TXNDC12: variants seen among roughly 807,000 people sequenced by gnomAD.
TXNDC12 encodes thioredoxin domain containing 12.
TXNDC12 carries 22 observed loss-of-function variants against 24.2 expected under a neutral mutation model. That is an observed-to-expected ratio of 0.91 (90% confidence interval 0.65 to 1.30). The LOEUF is 1.30. TXNDC12 is among the 50% of genes most tolerant of loss of function. The pLI is 0.00. For missense variants in TXNDC12, 184 were observed against 205.8 expected, an observed-to-expected ratio of 0.89 and a Z score of 0.65; for synonymous variants, 58 against 73.4, an observed-to-expected ratio of 0.79 and a Z score of 1.07.
chr1:52,032,143 T>C, intron 2 of TXNDC12: 1 of 967,946 alleles, frequency 1.0e-6, no homozygotes, highest in Non-Finnish European at 1.2e-6. Context: ...AATAATCTAG[T>C]AGATAACTTT....
At chr1:52,032,969 G>A (rs1291913346) in intron 2 of TXNDC12, 3 of 1,583,496 alleles carry the variant, frequency 1.9e-6, no homozygotes, top group East Asian at 4.5e-5. Flanking sequence ...CCGGAGGCGA[G>A]GGGCTGGGAC....
At chr1:52,042,794 G>A (rs1017139666) in intron 1 of TXNDC12, among the ~76,000 whole-genome samples, 1 of 152,060 alleles carries the variant, frequency 6.6e-6, no homozygotes, top group African/African-American at 2.4e-5. Context: ...GGCTAATTCT[G>A]TATTTTTTGT....
chr1:52,055,414 G>C (rs566621241), upstream of TXNDC12: 141 of 294,896 alleles, frequency 4.8e-4, 1 homozygote, highest in Admixed American at 1.2e-3. Flanking sequence ...TAGTAGGGGC[G>C]GGGGAGAGGT....
At chr1:52,043,906 T>A (rs1384089945) in intron 1 of TXNDC12, 2 of 152,226 alleles carry the variant, frequency 1.3e-5, no homozygotes, top group Non-Finnish European at 2.9e-5. Context: ...GATGAGCACA[T>A]GCAGGCAGTA....
At chr1:52,023,274 GT>G (rs142470551) in intron 6 of TXNDC12, 25,731 of 436,458 alleles carry the variant, frequency 0.059, 980 homozygotes, top group African/African-American at 0.13. Flanking sequence ...GTGTGCCTCA[GT>G]TCTTCACAGC....
intron 1 of TXNDC12, among the ~76,000 whole-genome samples, chr1:52,049,920 T>TA (rs1297244527): frequency 1.3e-5 from 2 of 152,220 alleles, no homozygotes; most frequent in Admixed American, 6.5e-5. Flanking sequence ...GCCAGGTACT[T>TA]AAATGCTTTT....
intron 2 of TXNDC12, among the ~76,000 whole-genome samples, chr1:52,031,167 T>A (rs1480153538): frequency 6.6e-6 from 1 of 151,682 alleles, no homozygotes; most frequent in Non-Finnish European, 1.5e-5. Context: ...TATCTTTTTT[T>A]TTTTTTTTTT....
At chr1:52,032,983 G>A in intron 2 of TXNDC12, 3 of 1,570,656 alleles carry the variant, frequency 1.9e-6, no homozygotes, top group Non-Finnish European at 2.6e-6. Context: ...CTGGGACTGC[G>A]TAGACTGATG....
chr1:52,048,570 T>G (rs1476487733), intron 1 of TXNDC12, among the ~76,000 whole-genome samples: 1 of 151,988 alleles, frequency 6.6e-6, no homozygotes, highest in Non-Finnish European at 1.5e-5. Flanking sequence ...AATATAAGGT[T>G]AAATAAAATT....
At chr1:52,050,019 CA>C (rs1442321806) in intron 1 of TXNDC12, among the ~76,000 whole-genome samples, 1 of 152,168 alleles carries the variant, frequency 6.6e-6, no homozygotes, top group Non-Finnish European at 1.5e-5. Context: ...TGAACTGAAA[CA>C]GCTTGCCCAA....
chr1:52,032,747 G>T (rs1459594765), intron 2 of TXNDC12: 1 of 1,613,946 alleles, frequency 6.2e-7, no homozygotes, highest in South Asian at 1.1e-5. Flanking sequence ...GCCAGTTGCG[G>T]CAAGTTCTCA....
chr1:52,027,377 G>GA, intron 3 of TXNDC12, 29 bp from the exon 4 acceptor site: 1 of 1,484,788 alleles, frequency 6.7e-7, no homozygotes, highest in Non-Finnish European at 9.4e-7. Context: ...TGGAATAGAA[G>GA]AAAAAACATC....
intron 1 of TXNDC12, among the ~76,000 whole-genome samples, chr1:52,042,942 T>C (rs972594256): frequency 1.3e-5 from 2 of 152,170 alleles, no homozygotes; most frequent in Non-Finnish European, 2.9e-5. Context: ...GTATTTTTAG[T>C]AGAGAGAGGG....
At chr1:52,044,241 C>CT (rs1442167199) in intron 1 of TXNDC12, 7 of 152,236 alleles carry the variant, frequency 4.6e-5, no homozygotes, top group African/African-American at 1.7e-4. Flanking sequence ...AAACACAAAG[C>CT]AAGCTAAAAC....
chr1:52,036,753 G>A (rs904070596), intron 2 of TXNDC12, among the ~76,000 whole-genome samples: 6 of 152,272 alleles, frequency 3.9e-5, no homozygotes, highest in Middle Eastern at 3.4e-3. Flanking sequence ...CCTCTTCTAC[G>A]TGTTTTTCCT....
At chr1:52,024,757 C>T in intron 4 of TXNDC12, 178 bp from the exon 5 acceptor site, 1 of 557,128 alleles carries the variant, frequency 1.8e-6, no homozygotes, top group Non-Finnish European at 3.2e-6. Context: ...TTGTTAAGTC[C>T]TCTTCAGCTA....
chr1:52,032,690 C>T (rs1572001728), intron 2 of TXNDC12: 1 of 1,586,796 alleles, frequency 6.3e-7, no homozygotes, highest in East Asian at 2.2e-5. Context: ...CCCCCTACCT[C>T]CTCTGGTCAG....
chr1:52,033,719 T>C (rs2124371983), intron 2 of TXNDC12: 2 of 1,610,404 alleles, frequency 1.2e-6, no homozygotes, highest in Non-Finnish European at 1.7e-6. Context: ...GCACGCCGGC[T>C]CTTGCCGCTG....
chr1:52,035,018 C>G (rs1685856228), intron 2 of TXNDC12, among the ~76,000 whole-genome samples: 1 of 152,166 alleles, frequency 6.6e-6, no homozygotes, highest in African/African-American at 2.4e-5. Flanking sequence ...CTGGCCTTGG[C>G]TTCCCAAAGT....
Sources: allele counts gnomAD v4.1 joint callset (sites outside exome capture counted in the v4.1 genomes callset), GRCh38; gene constraint gnomAD v4.1.1; transcripts MANE v1.5; gene names NCBI Gene and HGNC (gene_info 2026-07-23, HGNC 2026-07-21).